KALRN: variants seen among roughly 807,000 people sequenced by gnomAD.
KALRN encodes the protein kalirin RhoGEF kinase.
KALRN carries 70 observed loss-of-function variants against 353.7 expected under a neutral mutation model. The observed-to-expected ratio is 0.20, with a 90% confidence interval of 0.16 to 0.24. KALRN has a LOEUF of 0.24. KALRN is among the 10% of genes least tolerant of loss of function. The pLI is 1.00. For synonymous variants in KALRN, 1,391 were observed against 1,434.8 expected, an observed-to-expected ratio of 0.97 and a Z score of 0.69; for missense variants, 2,791 against 3,756.7, an observed-to-expected ratio of 0.74 and a Z score of 6.72.
At chr3:124,305,171 AG>A (rs780797763) in intron 6 of KALRN, among the ~76,000 whole-genome samples, 11 of 152,250 alleles carry the variant, frequency 7.2e-5, no homozygotes, top group Admixed American at 5.9e-4. Context: ...CTGTAAAAAA[AG>A]AACTCTAAAT....
Position 124,532,229 on chromosome 3 carries a change from A to C in KALRN, c.4936-30614A>C, listed in dbSNP as rs544506610. On this transcript the variant is annotated intron_variant, in intron 33 of 59. Coordinates refer to ENST00000682506, the MANE Select transcript of KALRN (RefSeq NM_001388419.1). ...TTACATAAGTGTAAGAACATGCCAC[A>C]TATGTCATGTCACCTCTTATAAGTA... Among the ~76,000 whole-genome samples the C allele has an allele frequency of 4.6e-5, 7 of 152,362 alleles. No homozygotes were observed. In the South Asian group the frequency reaches 8.3e-4, roughly 18 times the overall value.
intron 6 of KALRN, 109 bp downstream of exon 6, chr3:124,299,022 C>T (rs1266352309): frequency 7.0e-7 from 1 of 1,419,932 alleles, no homozygotes; most frequent in South Asian, 1.2e-5. Flanking sequence ...TGTGAACATG[C>T]TGACCCTTTG....
intron 10 of KALRN, among the ~76,000 whole-genome samples, chr3:124,368,145 C>A (rs867786892): frequency 1.3e-5 from 1 of 78,950 alleles, no homozygotes; most frequent in Non-Finnish European, 2.5e-5. Context: ...GGGGGCTGAC[C>A]CCCCCCACCT....
At chr3:124,567,737 T>C (rs77683090) in intron 34 of KALRN, among the ~76,000 whole-genome samples, 7,678 of 152,170 alleles carry the variant, frequency 0.05, 238 homozygotes, top group Middle Eastern at 0.16. Context: ...ATGCCTCATA[T>C]CCACCCCAGA....
At chr3:124,424,034 C>T (rs1038758085) in intron 15 of KALRN, among the ~76,000 whole-genome samples, 2 of 152,174 alleles carry the variant, frequency 1.3e-5, no homozygotes, top group African/African-American at 4.8e-5. Context: ...CATCAATCCT[C>T]ACAACCATTC....
At chr3:124,291,248 G>C (rs1252247999) in intron 5 of KALRN, among the ~76,000 whole-genome samples, 2 of 152,188 alleles carry the variant, frequency 1.3e-5, no homozygotes, top group Non-Finnish European at 2.9e-5. Context: ...ACAGCTTCCA[G>C]AGTTTCTGCA....
chr3:124,209,839 A>G (rs2076754790), intron 1 of KALRN, among the ~76,000 whole-genome samples: 1 of 152,214 alleles, frequency 6.6e-6, no homozygotes, highest in Non-Finnish European at 1.5e-5. Context: ...TTGTCTATAA[A>G]GTATATGCTT....
In KALRN at chr3:124,326,036, C is replaced by A. The variant is rs377686817; in HGVS notation, c.1149C>A (p.Ala383=). Residue 383 remains alanine (A), a synonymous_variant, in exon 7 of 60, where the codon GCC becomes GCA. Transcript: ENST00000682506. ...IMSVASRLSE[A]GHYASQQIKQ... is the part of the protein sequence containing the mutation. ...CCGTGGCTTCCCGCCTCTCTGAGGC[C>A]GGTCATTATGCCTCACAACAAATCA... The A allele has an allele frequency of 9.3e-6, 15 of 1,613,634 alleles. No individual in the cohort carries two copies. In the South Asian group the frequency reaches 1.6e-4, roughly 18 times the overall value.
At chr3:124,700,595 A>G (rs983516296) in intron 56 of KALRN, among the ~76,000 whole-genome samples, 4 of 152,200 alleles carry the variant, frequency 2.6e-5, no homozygotes, top group African/African-American at 9.7e-5. Flanking sequence ...TTTACAAATA[A>G]GGTTCTTATT....
chr3:124,216,987 G>T (rs1422180251), intron 1 of KALRN, among the ~76,000 whole-genome samples: 1 of 152,150 alleles, frequency 6.6e-6, no homozygotes, highest in Non-Finnish European at 1.5e-5. Context: ...CCTAGATAAT[G>T]ATCCCATAAT....
intron 1 of KALRN, among the ~76,000 whole-genome samples, chr3:124,113,521 C>T (rs954431036): frequency 6.6e-6 from 1 of 152,198 alleles, no homozygotes; most frequent in Non-Finnish European, 1.5e-5. Context: ...GACTAACTTC[C>T]ATTTCTCTTG....
chr3:124,142,754 C>T (rs1359350577), intron 1 of KALRN, among the ~76,000 whole-genome samples: 1 of 152,020 alleles, frequency 6.6e-6, no homozygotes, highest in Non-Finnish European at 1.5e-5. Context: ...TCCATCTCCA[C>T]CCCCCACCCA....
At chr3:124,574,168 G>A (rs946629265) in intron 34 of KALRN, among the ~76,000 whole-genome samples, 1 of 152,162 alleles carries the variant, frequency 6.6e-6, no homozygotes, top group Non-Finnish European at 1.5e-5. Context: ...ATACTATTTA[G>A]GACATGAAAG....
chr3:124,496,304 C>A lies in KALRN; in HGVS notation c.4833-7C>A. On this transcript the variant is annotated splice_polypyrimidine_tract_variant and splice_region_variant and intron_variant, in intron 32 of 59. Coordinates refer to ENST00000682506, the MANE Select transcript of KALRN (RefSeq NM_001388419.1). ...CCACCCCTGTTTTTTTTCTCTTCTT[C>A]CTGCAGGGATGGAGTGGAGGATATT... The A allele has an allele frequency of 2.6e-6, 4 of 1,536,606 alleles. No homozygotes were observed. The highest frequency in any genetic ancestry group is 1.8e-6 in the Non-Finnish European group (2 of 1,128,108).
At chr3:124,195,969 G>T (rs1003572012) in intron 1 of KALRN, among the ~76,000 whole-genome samples, 1 of 152,138 alleles carries the variant, frequency 6.6e-6, no homozygotes, top group Non-Finnish European at 1.5e-5. Context: ...TTTCATCACC[G>T]ACTTTGTCCT....
At chr3:124,642,131 G>T (rs1417390281) in intron 37 of KALRN, among the ~76,000 whole-genome samples, 1 of 151,986 alleles carries the variant, frequency 6.6e-6, no homozygotes, top group Non-Finnish European at 1.5e-5. Flanking sequence ...AAATACAAAA[G>T]AAATTAGATG....
chr3:124,141,064 C>A (rs1048819384), intron 1 of KALRN, among the ~76,000 whole-genome samples: 3 of 152,196 alleles, frequency 2.0e-5, no homozygotes, highest in Non-Finnish European at 4.4e-5. Context: ...TTTGATTCCG[C>A]CTTCTTCAGC....
intron 43 of KALRN, 55 bp downstream of exon 43, chr3:124,659,512 CAGGT>C: frequency 1.1e-5 from 14 of 1,236,716 alleles, no homozygotes; most frequent in Non-Finnish European, 1.3e-5. Context: ...AGGCTCAGAG[CAGGT>C]TCTGAGCTAG....
chr3:124,442,756 G>A (rs2093706691), intron 19 of KALRN, among the ~76,000 whole-genome samples: 1 of 152,116 alleles, frequency 6.6e-6, no homozygotes, highest in Non-Finnish European at 1.5e-5. Context: ...AGGCTGAGAT[G>A]GGAGGGTTGC....
Sources: gnomAD v4.1 joint callset for allele counts (sites outside exome capture counted in the v4.1 genomes callset) on GRCh38, gnomAD v4.1.1 for gene constraint, MANE v1.5 for transcripts, NCBI Gene and HGNC (gene_info 2026-07-23, HGNC 2026-07-21) for gene names.